UNC13B: variants seen among roughly 807,000 people sequenced by gnomAD.
UNC13B encodes protein unc-13 homolog B.
Under a neutral mutation model 211.0 loss-of-function variants are expected in UNC13B, and 144 were observed. That is an observed-to-expected ratio of 0.68 (90% CI 0.60 to 0.78). The LOEUF (loss-of-function observed/expected upper bound fraction) is 0.78, where lower values mean the gene tolerates loss of function less well. Among genes scored for constraint, UNC13B ranks in the 30% least tolerant of loss-of-function variants. UNC13B has a pLI of 0.00. For synonymous variants in UNC13B, 709 were observed against 725.8 expected, an observed-to-expected ratio of 0.98 and a Z score of 0.37; for missense variants, 1,777 against 2,002.0, an observed-to-expected ratio of 0.89 and a Z score of 2.14.
chr9:35,384,302 C>G lies in UNC13B; in HGVS notation c.10863C>G (p.Leu3621=). ...DQLHNSLRID[L]STYRNNFPAG... ...TACACAACTCACTGAGGATCGACCT[C>G]TCTACATACAGGGTGAGTGAAGACA... The change falls in exon 22 of 40, where the codon CTC becomes CTG. Residue 3621 remains leucine, a synonymous_variant. Coordinates refer to ENST00000635942, the MANE Select transcript of UNC13B (RefSeq NM_001371189.2). 6 of 1,613,882 alleles carry G rather than the reference C, an allele frequency of 3.7e-6. No homozygotes were observed. The highest frequency in any genetic ancestry group is 2.2e-5 in the East Asian group (1 of 44,884).
chr9:35,287,617 C>CT lies in UNC13B; in HGVS notation c.527-8072dup, dbSNP rs954884413. On this transcript the variant is annotated intron_variant, in intron 7 of 39. Coordinates refer to ENST00000635942, the MANE Select transcript of UNC13B (RefSeq NM_001371189.2). ...TTAGGGTTCCCCCACTTCATATAGT[C>CT]TTTTTTTCTTGGCCTGCACTCTGCC... Among the ~76,000 whole-genome samples the CT allele has an allele frequency of 3.9e-5, 6 of 152,244 alleles. No individual in the cohort carries two copies. In the East Asian group the frequency reaches 7.7e-4, roughly 20 times the overall value.
intron 11 of UNC13B, chr9:35,353,396 A>G: frequency 8.1e-7 from 1 of 1,232,272 alleles, no homozygotes; most frequent in Non-Finnish European, 1.0e-6. Context: ...CCAGTCAGAG[A>G]ACAGTGATCG....
chr9:35,278,839 C>T (rs1414746603), intron 7 of UNC13B, among the ~76,000 whole-genome samples: 1 of 152,116 alleles, frequency 6.6e-6, no homozygotes, highest in Non-Finnish European at 1.5e-5. Context: ...CATACAGTTT[C>T]TACCCAGAGG....
chr9:35,387,853 T>A (rs1183530894), intron 24 of UNC13B, among the ~76,000 whole-genome samples: 1 of 152,262 alleles, frequency 6.6e-6, no homozygotes, highest in East Asian at 1.9e-4. Context: ...TTATTGTTTT[T>A]TTGTTGTTGT....
At position 35,396,562 on chromosome 9, in the gene UNC13B, G is replaced by C. The variant is rs1407284268; in HGVS notation, c.11395G>C (p.Asp3799His). The change falls in exon 27 of 40, where the codon GAT (aspartate) becomes CAT (histidine). Residue 3799 changes from aspartate (D) to histidine (H), a missense_variant. By Grantham distance (81) the Asp-to-His change is moderately conservative. Transcript: ENST00000635942. ...GTGGCTCCACAATGAATACGTGCGGGATCTGCCTGTCCTCCAGGGGCAGGT... is the reference window on the plus strand; with the variant it reads ...GTGGCTCCACAATGAATACGTGCGGCATCTGCCTGTCCTCCAGGGGCAGGT... Reference protein sequence around the residue: ...VKWLHNEYVRDLPVLQGQVPE... With the variant: ...VKWLHNEYVRHLPVLQGQVPE... The C allele has an allele frequency of 2.5e-6, 4 of 1,614,078 alleles. No individual in the cohort carries two copies. The South Asian group carries it at 4.4e-5, about 18-fold the overall frequency.
At chr9:35,331,822 C>A (rs1181385300) in intron 11 of UNC13B, among the ~76,000 whole-genome samples, 1 of 152,214 alleles carries the variant, frequency 6.6e-6, no homozygotes, top group South Asian at 2.1e-4. Context: ...CCTTCCTTAG[C>A]TCCTGCCTCA....
chr9:35,240,520 T>C (rs562376928), intron 5 of UNC13B, among the ~76,000 whole-genome samples: 18 of 152,248 alleles, frequency 1.2e-4, no homozygotes, highest in Middle Eastern at 3.4e-3. Flanking sequence ...GGAAAATCAA[T>C]TGGAGGGAGT....
Position 35,308,234 on chromosome 9 carries a change from C to G in UNC13B, c.8830C>G (p.Leu2944Val). The G allele has an allele frequency of 5.0e-6, 2 of 399,218 alleles. No homozygotes were observed. Among genetic ancestry groups the G allele is most frequent in the Non-Finnish European group, 8.8e-6 (2 of 226,210 alleles). 24.7% of individuals were successfully genotyped at this position (399,218 alleles called of 1,614,324 possible). A position where few individuals can be genotyped will look rare whatever the true frequency, so the allele number is the denominator to read the frequency against. Residue 2944 changes from leucine (L) to valine (V), a missense_variant, in exon 9 of 40, where the codon CTG (leucine) becomes GTG (valine). Coordinates refer to ENST00000635942, the MANE Select transcript of UNC13B (RefSeq NM_001371189.2). ...SGEHWDTKAN[L>V]SSPACPSGKH... ...AGAACACTGGGATACCAAAGCCAAC[C>G]TGTCTAGCCCCGCCTGTCCTTCAGG...
At chr9:35,362,225 C>T (rs1383237350) in intron 11 of UNC13B, among the ~76,000 whole-genome samples, 1 of 152,044 alleles carries the variant, frequency 6.6e-6, no homozygotes, top group Non-Finnish European at 1.5e-5. Context: ...GTAAAAAGTA[C>T]AGGGCTGAGT....
At chr9:35,389,767 A>G (rs1835411350) in intron 24 of UNC13B, 79 bp from the exon 25 acceptor site, 4 of 1,508,742 alleles carry the variant, frequency 2.7e-6, no homozygotes, top group Admixed American at 1.7e-5. Context: ...AGGGGAAGAG[A>G]AAGAGGATCG....
rs1820804602 is a variant in UNC13B, at chr9:35,162,051, C to T, written c.-233C>T. 1 of 574,242 alleles carries T rather than the reference C, an allele frequency of 1.7e-6. No homozygotes were observed. The highest frequency in any genetic ancestry group is 3.0e-6 in the Non-Finnish European group (1 of 334,990). 35.6% of individuals were successfully genotyped at this position (574,242 alleles called of 1,614,324 possible). Reference sequence around the variant, plus strand: ...CCTCCCAGCGATGGCGTCGCTGTGCCGCGCCCAGTCCCCAGCCTGCCGGCC... The same window carrying T: ...CCTCCCAGCGATGGCGTCGCTGTGCTGCGCCCAGTCCCCAGCCTGCCGGCC... On this transcript the variant is annotated 5_prime_UTR_variant, in exon 1 of 40. Transcript: ENST00000635942.
intron 7 of UNC13B, among the ~76,000 whole-genome samples, chr9:35,274,665 G>GAACT (rs2131695862): frequency 6.6e-6 from 1 of 152,278 alleles, no homozygotes; most frequent in South Asian, 2.1e-4. Flanking sequence ...AGAGATTATT[G>GAACT]AACTCTCTCC....
At chr9:35,228,737 T>A (rs1825017523) in intron 2 of UNC13B, among the ~76,000 whole-genome samples, 1 of 151,440 alleles carries the variant, frequency 6.6e-6, no homozygotes. Flanking sequence ...TGTGTGTGTG[T>A]GTGTGTGTGT....
intron 7 of UNC13B, among the ~76,000 whole-genome samples, chr9:35,267,195 G>C (rs974227934): frequency 6.6e-6 from 1 of 152,200 alleles, no homozygotes; most frequent in African/African-American, 2.4e-5. Context: ...TAGGCAGATG[G>C]ACCATCACAA....
chr9:35,399,006 C>A lies in UNC13B; in HGVS notation c.12046C>A (p.Arg4016=). 1 of 1,614,108 alleles carries A rather than the reference C, an allele frequency of 6.2e-7. No homozygotes were observed. The highest frequency in any genetic ancestry group is 8.5e-7 in the Non-Finnish European group (1 of 1,179,996). ...SAAQDADSVL[R]PLMDFLDGNL... ...GGCTCAGGATGCAGATAGCGTACTC[C>A]GGCCTCTCATGGACTTCCTGGATGG... Residue 4016 remains arginine, a synonymous_variant, in exon 33 of 40, where the codon CGG becomes AGG. Transcript: ENST00000635942.
intron 11 of UNC13B, among the ~76,000 whole-genome samples, chr9:35,331,166 G>GA (rs1461036170): frequency 6.6e-6 from 1 of 152,152 alleles, no homozygotes; most frequent in Non-Finnish European, 1.5e-5. Context: ...GTTCCTCTGT[G>GA]AAAAAACATC....
At chr9:35,216,138 CA>C (rs1824232387) in intron 1 of UNC13B, among the ~76,000 whole-genome samples, 1 of 152,144 alleles carries the variant, frequency 6.6e-6, no homozygotes, top group African/African-American at 2.4e-5. Context: ...GTAGCATTAA[CA>C]GACTAAAGAG....
chr9:35,300,807 CG>C lies in UNC13B; in HGVS notation c.1405del (p.Val469CysfsTer5). The C allele has an allele frequency of 2.5e-6, 1 of 398,786 alleles. No individual in the cohort carries two copies. The highest frequency in any genetic ancestry group is 4.4e-6 in the Non-Finnish European group (1 of 226,032). 24.7% of individuals were successfully genotyped at this position (398,786 alleles called of 1,614,324 possible). On this transcript the variant is annotated frameshift_variant, in exon 9 of 40. Transcript: ENST00000635942. LOFTEE classifies it high-confidence loss of function. ...GATGAGCTTCAGTGTTTGGTAGAAA[CG>C]GTGTCAGAATATTTAGCAGAGAAGG... ...TMDELQCLVE[T>X]VSEYLAEKEE...
In UNC13B at chr9:35,301,962, A is replaced by C. The variant is rs642223; in HGVS notation, c.2558A>C (p.His853Pro). 1 of 398,478 alleles carries C rather than the reference A, an allele frequency of 2.5e-6. No homozygotes were observed. Among genetic ancestry groups the C allele is most frequent in the East Asian group, 3.6e-5 (1 of 28,066 alleles). The allele number at this position is 398,478 out of a possible 1,614,324, so 24.7% of individuals were successfully genotyped here. ...GLERGSKKDGHSFSFSGKLNL... is the reference protein window; with the variant it reads ...GLERGSKKDGPSFSFSGKLNL... ...GAAAGGGGCTCTAAGAAAGATGGTC[A>C]TTCCTTTTCCTTTAGTGGAAAACTA... Residue 853 changes from histidine to proline, a missense_variant, in exon 9 of 40, where the codon CAT becomes CCT. Physicochemically the swap from His to Pro is moderately conservative, Grantham distance 77. Coordinates refer to ENST00000635942, the MANE Select transcript of UNC13B (RefSeq NM_001371189.2).
Sources: allele counts gnomAD v4.1 joint callset (sites outside exome capture counted in the v4.1 genomes callset), GRCh38; gene constraint gnomAD v4.1.1; transcripts MANE v1.5; gene names NCBI Gene and HGNC (gene_info 2026-07-23, HGNC 2026-07-21).